ALG12: variants seen among roughly 807,000 people sequenced by gnomAD.
The protein encoded by ALG12 is dol-P-Man:Man(7)GlcNAc(2)-PP-Dol alpha-1,6-mannosyltransferase.
Under a neutral mutation model 46.0 loss-of-function variants are expected in ALG12, and 36 were observed. The ratio of observed to expected loss-of-function variants is 0.78; its 90% CI spans 0.60 to 1.03. ALG12 has a LOEUF of 1.03. Among genes scored for constraint, ALG12 ranks in the 50% least tolerant of loss-of-function variants. The pLI is 0.00. For missense variants in ALG12, 599 were observed against 633.5 expected (o/e 0.95, Z 0.58); for synonymous variants, 326 against 291.6 (o/e 1.12, Z -1.20).
the ALG12 span, among the ~76,000 whole-genome samples, chr22:49,866,210 C>T: frequency 1.3e-5 from 2 of 152,124 alleles, no homozygotes. Flanking sequence ...GTCCCTTTCA[C>T]TATGTGGCTT....
At position 49,903,849 on chromosome 22, in the gene ALG12, G is replaced by A. The variant is rs745477655; in HGVS notation, c.1456C>T (p.Arg486Trp). 35 of 1,613,922 alleles carry A rather than the reference G, an allele frequency of 2.2e-5. No homozygotes were observed. The highest frequency in any genetic ancestry group is 9.9e-5 in the South Asian group (9 of 91,090). Residue 486 changes from arginine (R) to tryptophan (W), a missense_variant, in exon 10 of 10, where the codon CGG (arginine) becomes TGG (tryptophan). Coordinates refer to ENST00000330817, the MANE Select transcript of ALG12 (RefSeq NM_024105.4). ...CTGCCTGGTCCCCCTCAGGACGGCC[G>A]GGGGAGCCTCTCCAGAAGCACCAGC... The part of the protein sequence containing the change: ...TKLVLLERLP[R>W]PS
intron 1 of ALG12, among the ~76,000 whole-genome samples, chr22:49,914,984 C>T (rs2060601553): frequency 6.6e-6 from 1 of 152,250 alleles, no homozygotes; most frequent in East Asian, 1.9e-4. Context: ...CTACCTTGGC[C>T]TCCTGAAGTA....
intron 5 of ALG12, 133 bp from the exon 6 acceptor site, chr22:49,909,480 T>G (rs757890494): frequency 4.5e-5 from 41 of 913,102 alleles, no homozygotes; most frequent in Non-Finnish European, 6.8e-5. Flanking sequence ...GTGGGAAGAT[T>G]GCTGGAGCCT....
chr22:49,869,333 G>C, the ALG12 span, among the ~76,000 whole-genome samples: 22 of 152,304 alleles, frequency 1.4e-4, no homozygotes, highest in Non-Finnish European at 2.9e-4. Flanking sequence ...GTGCACGGCT[G>C]CCTACCTCGT....
chr22:49,884,751 G>A, the ALG12 span: 1 of 1,593,992 alleles, frequency 6.3e-7, no homozygotes, highest in Non-Finnish European at 8.6e-7. Context: ...CTTCCTTGCT[G>A]CCGCCGGAGG....
chr22:49,917,566 G>A (rs1048534841), intron 1 of ALG12, among the ~76,000 whole-genome samples: 7 of 152,178 alleles, frequency 4.6e-5, no homozygotes, highest in African/African-American at 1.4e-4. Flanking sequence ...AACTTAGGAG[G>A]CTGAGGCAGC....
At chr22:49,915,397 A>T (rs1388681184) in intron 1 of ALG12, among the ~76,000 whole-genome samples, 1 of 151,868 alleles carries the variant, frequency 6.6e-6, no homozygotes, top group East Asian at 1.9e-4. Flanking sequence ...TCTCTACTAA[A>T]AATACAAAAA....
At chr22:49,895,125 G>GT in the ALG12 span, among the ~76,000 whole-genome samples, 1 of 150,758 alleles carries the variant, frequency 6.6e-6, no homozygotes, top group Non-Finnish European at 1.5e-5. Flanking sequence ...TTCTATGTTA[G>GT]TAAACCCACT....
At chr22:49,915,877 G>C (rs971936503) in intron 1 of ALG12, among the ~76,000 whole-genome samples, 1 of 152,152 alleles carries the variant, frequency 6.6e-6, no homozygotes, top group Non-Finnish European at 1.5e-5. Context: ...AAAGCCTGCC[G>C]CACAGTAGGC....
the ALG12 span, chr22:49,889,141 C>G: frequency 6.0e-6 from 1 of 167,074 alleles, no homozygotes; most frequent in Non-Finnish European, 1.5e-5. Context: ...GGGCTAGTTC[C>G]TGGAATGCAA....
intron 6 of ALG12, 115 bp downstream of exon 6, chr22:49,909,129 C>A: frequency 8.8e-7 from 1 of 1,133,742 alleles, no homozygotes; most frequent in Non-Finnish European, 1.3e-6. Flanking sequence ...CCATCCTGAC[C>A]CTGCAGCCAC....
At chr22:49,917,488 T>A (rs2060618822) in intron 1 of ALG12, among the ~76,000 whole-genome samples, 2 of 152,060 alleles carry the variant, frequency 1.3e-5, no homozygotes, top group Non-Finnish European at 2.9e-5. Context: ...CTGGCCAACA[T>A]GGTGAAACCC....
chr22:49,897,218 A>G (rs2060487022), downstream of ALG12, among the ~76,000 whole-genome samples: 1 of 148,732 alleles, frequency 6.7e-6, no homozygotes, highest in Non-Finnish European at 1.5e-5. Context: ...CAGTTTATCC[A>G]TTCACCTACT....
rs569090681 is a variant in ALG12, at chr22:49,900,829, G to A, written c.*3009C>T. 2 of 152,370 alleles carry A rather than the reference G, an allele frequency of 1.3e-5. No individual in the cohort carries two copies. Among genetic ancestry groups the A allele is most frequent in the East Asian group, 3.9e-4 (2 of 5,180 alleles). The allele number at this position is 152,370 out of a possible 1,614,324, so 9.4% of individuals were successfully genotyped here. On this transcript the variant is annotated 3_prime_UTR_variant, in exon 10 of 10. Transcript: ENST00000330817. ...TACATATGTACGTGTGCAACTGCAC[G>A]CAGCATGCCTGTCCTCCCTAGCCTG...
At chr22:49,886,087 G>A in the ALG12 span, 16 of 680,524 alleles carry the variant, frequency 2.4e-5, no homozygotes, top group African/African-American at 9.0e-5. This position sits in a 1 kb window ranked among gnomAD's most constrained non-coding sequence, Gnocchi z 7.7. Context: ...CACCGTCACC[G>A]ACAACGCCAG....
At position 49,913,660 on chromosome 22, in the gene ALG12, TCTC is replaced by T. The variant is rs766871710; in HGVS notation, c.103_105del (p.Glu35del). On this transcript the variant is annotated inframe_deletion, in exon 2 of 10. Coordinates refer to ENST00000330817, the MANE Select transcript of ALG12 (RefSeq NM_024105.4). The stretch of plus-strand genomic sequence containing the variant: ...TCATGTGTGGCCTGCAGGTTGAAGC[TCTC>T]CTCCACTTTGGTGTAGGGACAGATG... The T allele has an allele frequency of 9.3e-6, 15 of 1,613,912 alleles. No homozygotes were observed. The East Asian group carries it at 3.3e-4, about 36-fold the overall frequency.
the ALG12 span, among the ~76,000 whole-genome samples, chr22:49,893,988 A>G: frequency 6.6e-6 from 1 of 151,832 alleles, no homozygotes; most frequent in Admixed American, 6.6e-5. Flanking sequence ...ACATGATGAA[A>G]CCCCGTCTTT....
intron 3 of ALG12, among the ~76,000 whole-genome samples, chr22:49,912,083 C>CCTCGGCCACGGGATCAG (rs2060581220): frequency 3.7e-5 from 3 of 81,022 alleles, no homozygotes; most frequent in African/African-American, 3.6e-4. Flanking sequence ...CCCGGGATCA[C>CCTCGGCCACGGGATCAG]CCTCGGCCCC....
the ALG12 span, among the ~76,000 whole-genome samples, chr22:49,879,317 A>G: frequency 2.0e-5 from 3 of 151,148 alleles, no homozygotes; most frequent in African/African-American, 4.9e-5. Flanking sequence ...AGTAGAGACC[A>G]GGTTTCGCCA....
Sources: gnomAD v4.1 joint callset for allele counts (sites outside exome capture counted in the v4.1 genomes callset) on GRCh38, gnomAD v4.1.1 for gene constraint, Gnocchi (gnomAD v3.1) non-coding constraint, MANE v1.5 for transcripts, NCBI Gene and HGNC (gene_info 2026-07-23, HGNC 2026-07-21) for gene names.